Variants in ZNF292 observed in about 807,000 individuals in gnomAD.
ZNF292 encodes the protein 16 zinc-finger domain protein.
A neutral mutation model predicts 217.9 loss-of-function variants in ZNF292; 26 were observed. That is an observed-to-expected ratio of 0.12 (90% confidence interval 0.09 to 0.17). ZNF292 has a LOEUF of 0.17. Ranked by LOEUF, ZNF292 falls within the 10% of genes least tolerant of loss-of-function variation. The pLI is 1.00. For missense variants in ZNF292, 2,904 were observed against 3,175.2 expected, an observed-to-expected ratio of 0.91 and a Z score of 2.05; for synonymous variants, 1,257 against 1,124.1, an observed-to-expected ratio of 1.12 and a Z score of -2.37.
In ZNF292 at chr6:87,262,103, C is replaced by T. The variant is rs570438548; in HGVS notation, c.*302C>T. 2.0e-4 allele frequency: 40 copies of T among 197,702 alleles called. No homozygotes were observed. The highest frequency in any genetic ancestry group is 1.7e-3 in the South Asian group (12 of 7,270). 12.2% of individuals were successfully genotyped at this position (197,702 alleles called of 1,614,324 possible). On this transcript the variant is annotated 3_prime_UTR_variant, in exon 8 of 8. Coordinates refer to ENST00000369577, the MANE Select transcript of ZNF292 (RefSeq NM_015021.3). ...AATTATCTGTGTGATTGGTATGTTT[C>T]ACCAGGTCACTGCTCATGTATAACA... is the stretch of plus-strand genomic sequence containing the variant.
In ZNF292 at chr6:87,226,476, C is replaced by T. The variant is rs567994221; in HGVS notation, c.539-6849C>T. On this transcript the variant is annotated intron_variant, in intron 4 of 7. Coordinates refer to ENST00000369577, the MANE Select transcript of ZNF292 (RefSeq NM_015021.3). The stretch of plus-strand genomic sequence containing the variant: ...CCAGGTAAATAGGGTGAGGTCAGAT[C>T]TGATTACATGCAGATTATACCCTAC... Among the ~76,000 whole-genome samples the T allele has an allele frequency of 2.0e-4, 31 of 151,676 alleles. No individual in the cohort carries two copies. In the South Asian group the frequency reaches 4.0e-3, roughly 19 times the overall value.
In ZNF292 at chr6:87,233,475, C is replaced by A; in HGVS notation, c.689C>A (p.Thr230Asn). 1 of 1,613,492 alleles carries A rather than the reference C, an allele frequency of 6.2e-7. No homozygotes were observed. Among genetic ancestry groups the A allele is most frequent in the South Asian group, 1.1e-5 (1 of 91,024 alleles). Residue 230 changes from threonine to asparagine, a missense_variant, in exon 5 of 8, where the codon ACT becomes AAT. Coordinates refer to ENST00000369577, the MANE Select transcript of ZNF292 (RefSeq NM_015021.3). ...EIGIKGSFKQ[T>N]YLVCLCTSSP... Reference sequence around the variant, plus strand: ...GGCATAAAAGGTAGTTTTAAGCAAACTTACCTTGTCTGTCTTTGTACATCA... The same window carrying A: ...GGCATAAAAGGTAGTTTTAAGCAAAATTACCTTGTCTGTCTTTGTACATCA...
intron 7 of ZNF292, among the ~76,000 whole-genome samples, chr6:87,254,169 A>G (rs371984662): frequency 6.6e-6 from 1 of 152,340 alleles, no homozygotes; most frequent in South Asian, 2.1e-4. Context: ...CAGTTTTATA[A>G]TTAGATTAGA....
intron 5 of ZNF292, among the ~76,000 whole-genome samples, chr6:87,239,393 G>C (rs1258609926): frequency 6.7e-6 from 1 of 148,744 alleles, no homozygotes; most frequent in African/African-American, 2.5e-5. Flanking sequence ...GCGGGCCGGG[G>C]GCTGGCCCCC....
chr6:87,233,084 A>T lies in ZNF292; in HGVS notation c.539-241A>T, dbSNP rs1440600933. ...AACTATTTTCATCATCAACAAGTTTATTCAGCTCATTCTAAATGGTCCCTT... is the reference window on the plus strand; with the variant it reads ...AACTATTTTCATCATCAACAAGTTTTTTCAGCTCATTCTAAATGGTCCCTT... On this transcript the variant is annotated intron_variant, in intron 4 of 7. Transcript: ENST00000369577. 3.9e-5 allele frequency among the ~76,000 whole-genome samples: 6 copies of T among 152,252 alleles called. No individual in the cohort carries two copies. In the East Asian group the frequency reaches 1.2e-3, roughly 29 times the overall value.
At chr6:87,185,920 C>T (rs562416637) in intron 1 of ZNF292, among the ~76,000 whole-genome samples, 1 of 152,300 alleles carries the variant, frequency 6.6e-6, no homozygotes, top group East Asian at 1.9e-4. Context: ...GGGTACACCT[C>T]CCTCCAGAAA....
chr6:87,228,245 A>G (rs1207512728), intron 4 of ZNF292, among the ~76,000 whole-genome samples: 2 of 152,174 alleles, frequency 1.3e-5, no homozygotes, highest in Non-Finnish European at 2.9e-5. Flanking sequence ...AGAAATATCT[A>G]TTCAAGTTAT....
intron 1 of ZNF292, among the ~76,000 whole-genome samples, chr6:87,208,790 G>A (rs1173715118): frequency 1.3e-5 from 2 of 152,198 alleles, no homozygotes; most frequent in Non-Finnish European, 2.9e-5. Context: ...TGAAGGCTTG[G>A]TGTCAGAATA....
chr6:87,258,623 C>A lies in ZNF292; in HGVS notation c.4994C>A (p.Pro1665Gln). Residue 1665 changes from proline (P) to glutamine (Q), a missense_variant, in exon 8 of 8, where the codon CCA (proline) becomes CAA (glutamine). Coordinates refer to ENST00000369577, the MANE Select transcript of ZNF292 (RefSeq NM_015021.3). ...CTCATAGCAAAGAGTGTTGAAATCCCAACTACTAACCTTCATTCAAATGTA... is the reference window on the plus strand; with the variant it reads ...CTCATAGCAAAGAGTGTTGAAATCCAAACTACTAACCTTCATTCAAATGTA... Reference protein sequence around the residue: ...MGLIAKSVEIPTTNLHSNVIP... With the variant: ...MGLIAKSVEIQTTNLHSNVIP... The A allele has an allele frequency of 2.5e-6, 4 of 1,613,562 alleles. No homozygotes were observed. Among genetic ancestry groups the A allele is most frequent in the Middle Eastern group, 1.6e-4 (1 of 6,062 alleles).
chr6:87,186,194 A>G (rs1002644741), intron 1 of ZNF292, among the ~76,000 whole-genome samples: 2 of 152,230 alleles, frequency 1.3e-5, no homozygotes, highest in Admixed American at 1.3e-4. Context: ...TCATTAATAT[A>G]CAAGGATGCC....
intron 1 of ZNF292, among the ~76,000 whole-genome samples, chr6:87,193,669 C>T (rs1464233290): frequency 1.3e-5 from 2 of 152,184 alleles, no homozygotes; most frequent in Non-Finnish European, 2.9e-5. Context: ...ACAAGCACGC[C>T]CTCCGAGGGT....
rs1439908710 is a variant in ZNF292, at chr6:87,239,385, G to C, written c.742-4090G>C. Among the ~76,000 whole-genome samples the C allele has an allele frequency of 7.9e-3, 383 of 48,720 alleles. 1 individual carries two copies. The highest frequency in any genetic ancestry group is 0.029 in the African/African-American group (367 of 12,540). 32.0% of individuals were successfully genotyped at this position (48,720 alleles called of 152,430 possible). ...CTCCCTCCCTGACGGGGCGGCTGGC[G>C]GGCCGGGGGCTGGCCCCCACCTCCC... On this transcript the variant is annotated intron_variant, in intron 5 of 7. Coordinates refer to ENST00000369577, the MANE Select transcript of ZNF292 (RefSeq NM_015021.3).
chr6:87,185,936 T>C (rs1438625503), intron 1 of ZNF292, among the ~76,000 whole-genome samples: 1 of 152,196 alleles, frequency 6.6e-6, no homozygotes, highest in Non-Finnish European at 1.5e-5. Flanking sequence ...AGAAACCTCA[T>C]GCACGTTCGG....
At chr6:87,234,573 AT>A (rs891284366) in intron 5 of ZNF292, among the ~76,000 whole-genome samples, 3 of 151,526 alleles carry the variant, frequency 2.0e-5, no homozygotes, top group Admixed American at 6.6e-5. Flanking sequence ...AAAAAAAAAA[AT>A]TTTTTTTAAA....
chr6:87,189,094 A>G (rs1771749317), intron 1 of ZNF292, among the ~76,000 whole-genome samples: 1 of 152,080 alleles, frequency 6.6e-6, no homozygotes, highest in South Asian at 2.1e-4. Flanking sequence ...AATTGCAGCT[A>G]CTGGGGAGGC....
At position 87,261,362 on chromosome 6, in the gene ZNF292, C is replaced by G. The variant is rs1775587200; in HGVS notation, c.7733C>G (p.Pro2578Arg). 1 of 1,613,260 alleles carries G rather than the reference C, an allele frequency of 6.2e-7. No individual in the cohort carries two copies. The highest frequency in any genetic ancestry group is 8.5e-7 in the Non-Finnish European group (1 of 1,179,616). The change falls in exon 8 of 8, where the codon CCT becomes CGT. Residue 2578 changes from proline (P) to arginine (R), a missense_variant. Around this residue, in one of 15 missense-constraint regions of ZNF292, gnomAD observed 380 missense variants for 355.3 expected, o/e 1.07. Coordinates refer to ENST00000369577, the MANE Select transcript of ZNF292 (RefSeq NM_015021.3). Reference sequence around the variant, plus strand: ...GCCATTCAAACCATTGAGGAGCATCCTGCATCTTTTGACTGGAGCTCTTTT... The same window carrying G: ...GCCATTCAAACCATTGAGGAGCATCGTGCATCTTTTGACTGGAGCTCTTTT... ...AVAIQTIEEH[P>R]ASFDWSSFKP...
rs747102715 is a variant in ZNF292, at chr6:87,257,947, T to A, written c.4318T>A (p.Ser1440Thr). The A allele has an allele frequency of 5.0e-6, 8 of 1,613,814 alleles. No homozygotes were observed. The highest frequency in any genetic ancestry group is 1.3e-5 in the African/African-American group (1 of 74,922). The change falls in exon 8 of 8, where the codon TCT becomes ACT. Residue 1440 changes from serine (S) to threonine (T), a missense_variant. Physicochemically the swap from Ser to Thr is moderately conservative, Grantham distance 58. Coordinates refer to ENST00000369577, the MANE Select transcript of ZNF292 (RefSeq NM_015021.3). Reference protein sequence around the residue: ...NAVNLQQPQQSTFNPEACFKD... With the variant: ...NAVNLQQPQQTTFNPEACFKD... ...AGTAAATTTGCAGCAGCCACAACAA[T>A]CTACCTTCAATCCAGAAGCATGTTT...
At chr6:87,227,983 G>T (rs1773444203) in intron 4 of ZNF292, among the ~76,000 whole-genome samples, 2 of 152,118 alleles carry the variant, frequency 1.3e-5, no homozygotes, top group African/African-American at 4.8e-5. Flanking sequence ...TGGATCGTAT[G>T]GTAGCTGTAT....
intron 4 of ZNF292, among the ~76,000 whole-genome samples, chr6:87,231,285 A>G (rs945721932): frequency 8.5e-5 from 13 of 152,132 alleles, no homozygotes; most frequent in African/African-American, 3.1e-4. Flanking sequence ...TACTGCTGTA[A>G]GGTGCCATTC....
Sources: allele counts gnomAD v4.1 joint callset (sites outside exome capture counted in the v4.1 genomes callset), GRCh38; gene constraint gnomAD v4.1.1; regional missense constraint gnomAD v4.1.1; transcripts MANE v1.5; gene names NCBI Gene and HGNC (gene_info 2026-07-23, HGNC 2026-07-21).